The following FAM135A variants were observed in gnomAD, a reference collection of about 807,000 sequenced individuals.
The protein encoded by FAM135A is protein FAM135A.
Under a neutral mutation model 146.8 loss-of-function variants are expected in FAM135A, and 79 were observed. That is an observed-to-expected ratio of 0.54 (90% confidence interval 0.45 to 0.65). The LOEUF is 0.65. Ranked by LOEUF, FAM135A falls within the 30% of genes least tolerant of loss-of-function variation. The probability of loss-of-function intolerance (pLI) is 0.00; values close to 1 mark genes in which losing one functional copy is unlikely to be tolerated. For missense variants in FAM135A, 1,623 were observed against 1,758.2 expected (o/e 0.92, Z 1.38); for synonymous variants, 562 against 603.6 (o/e 0.93, Z 1.01).
At position 70,477,239 on chromosome 6, in the gene FAM135A, A is replaced by G; in HGVS notation, c.449A>G (p.His150Arg). 6.2e-7 allele frequency: 1 copy of G among 1,613,660 alleles called. No individual in the cohort carries two copies. Among genetic ancestry groups the G allele is most frequent in the South Asian group, 1.1e-5 (1 of 91,064 alleles). Residue 150 changes from histidine (H) to arginine (R), a missense_variant, in exon 8 of 22, where the codon CAT becomes CGT. By Grantham distance (29) the His-to-Arg change is conservative. Around this residue, in one of 7 missense-constraint regions of FAM135A, gnomAD observed 16 missense variants for 39.0 expected, o/e 0.41. Coordinates refer to ENST00000418814, the MANE Select transcript of FAM135A (RefSeq NM_001162529.3). ...TTTAGCCCCCATAGAGGCCTTCATC[A>G]TCATGTTAATGTTATGTTTGATTAC... Reference protein sequence around the residue: ...LHFSPHRGLHHHVNVMFDYFH... With the variant: ...LHFSPHRGLHRHVNVMFDYFH...
intron 10 of FAM135A, among the ~76,000 whole-genome samples, chr6:70,487,061 C>T (rs1481658525): frequency 5.6e-5 from 6 of 107,640 alleles, no homozygotes; most frequent in African/African-American, 2.2e-4. Flanking sequence ...CCAGCCTGGG[C>T]AAGAGAGTCG....
chr6:70,524,180 C>T (rs540704810), intron 14 of FAM135A, 59 bp downstream of exon 14: 1 of 1,477,938 alleles, frequency 6.8e-7, no homozygotes, highest in East Asian at 2.3e-5. Context: ...TATATTCTTC[C>T]TAATATACAT....
chr6:70,485,478 A>G (rs1470806882), intron 10 of FAM135A, among the ~76,000 whole-genome samples: 1 of 152,172 alleles, frequency 6.6e-6, no homozygotes, highest in East Asian at 1.9e-4. Context: ...GCAAAATAAA[A>G]TTGTGAACAC....
intron 5 of FAM135A, among the ~76,000 whole-genome samples, chr6:70,464,658 C>CTTTTT (rs754818109): frequency 1.6e-3 from 156 of 100,382 alleles, no homozygotes; most frequent in African/African-American, 3.4e-3. Flanking sequence ...TTCTTTCTTT[C>CTTTTT]TTTTTTTTCT....
chr6:70,517,131 C>T (rs1038206504), intron 12 of FAM135A, among the ~76,000 whole-genome samples: 4 of 152,138 alleles, frequency 2.6e-5, no homozygotes, highest in African/African-American at 7.2e-5. Flanking sequence ...TTTTATATTT[C>T]GCAAGGTTTA....
intron 11 of FAM135A, among the ~76,000 whole-genome samples, chr6:70,494,989 G>A (rs1234908157): frequency 2.6e-5 from 4 of 152,032 alleles, no homozygotes; most frequent in Non-Finnish European, 1.5e-5. Flanking sequence ...CCTCCTTGGG[G>A]ACAATAATAA....
chr6:70,536,638 A>G (rs975543638), intron 19 of FAM135A, among the ~76,000 whole-genome samples: 2 of 152,172 alleles, frequency 1.3e-5, no homozygotes, highest in Non-Finnish European at 2.9e-5. Flanking sequence ...AAAATTCACA[A>G]GAGCATTTTT....
At chr6:70,553,339 A>G (rs73489067) in intron 20 of FAM135A, among the ~76,000 whole-genome samples, 6,513 of 152,262 alleles carry the variant, frequency 0.043, 296 homozygotes, top group African/African-American at 0.1. Context: ...GTATTCTCAG[A>G]GATACAGCAT....
At chr6:70,450,985 C>T (rs768412316) in intron 4 of FAM135A, among the ~76,000 whole-genome samples, 14 of 151,800 alleles carry the variant, frequency 9.2e-5, no homozygotes, top group Non-Finnish European at 1.8e-4. Flanking sequence ...TCAAGTGATC[C>T]TCCTGCCTTG....
At chr6:70,446,583 G>A (rs568591429) in intron 4 of FAM135A, among the ~76,000 whole-genome samples, 1 of 152,214 alleles carries the variant, frequency 6.6e-6, no homozygotes, top group Non-Finnish European at 1.5e-5. Context: ...GATTTTTGAG[G>A]GTGGAATGCC....
At chr6:70,481,936 C>T (rs947839717) in intron 9 of FAM135A, 65 bp from the exon 10 acceptor site, 1 of 1,439,922 alleles carries the variant, frequency 6.9e-7, no homozygotes, top group Non-Finnish European at 9.2e-7. Flanking sequence ...CTTTATTTTT[C>T]CAAGTTTCAC....
intron 8 of FAM135A, among the ~76,000 whole-genome samples, chr6:70,477,842 C>T (rs1782919652): frequency 6.6e-6 from 1 of 151,980 alleles, no homozygotes; most frequent in Admixed American, 6.6e-5. Flanking sequence ...TAATAAAATT[C>T]AAGAGTATGG....
intron 20 of FAM135A, among the ~76,000 whole-genome samples, chr6:70,546,061 C>CG (rs1021116831): frequency 4.7e-5 from 7 of 150,194 alleles, no homozygotes; most frequent in African/African-American, 9.8e-5. Flanking sequence ...GTTTTTTTTT[C>CG]GGGGGGGCAT....
intron 20 of FAM135A, among the ~76,000 whole-genome samples, chr6:70,539,522 C>T (rs1797449023): frequency 2.0e-5 from 3 of 152,146 alleles, no homozygotes; most frequent in South Asian, 4.1e-4. Context: ...CTCAGTTCGT[C>T]GTTTACTAAG....
At chr6:70,440,580 C>T (rs1774231099) in intron 4 of FAM135A, among the ~76,000 whole-genome samples, 1 of 152,144 alleles carries the variant, frequency 6.6e-6, no homozygotes, top group Non-Finnish European at 1.5e-5. Flanking sequence ...CCCAGCTACT[C>T]AGGAGTCTGA....
chr6:70,528,645 G>C (rs568737593), intron 16 of FAM135A, among the ~76,000 whole-genome samples, 193 bp downstream of exon 16: 1 of 151,520 alleles, frequency 6.6e-6, no homozygotes, highest in Non-Finnish European at 1.5e-5. Context: ...AGATTCCTTC[G>C]TAAGTAAATT....
At chr6:70,418,767 A>T (rs930891551) in intron 2 of FAM135A, among the ~76,000 whole-genome samples, 3 of 152,218 alleles carry the variant, frequency 2.0e-5, no homozygotes, top group African/African-American at 7.2e-5. Flanking sequence ...TACGACTATA[A>T]CTCAGATAGT....
chr6:70,491,700 GA>G (rs1786014435), intron 11 of FAM135A, among the ~76,000 whole-genome samples: 1 of 151,864 alleles, frequency 6.6e-6, no homozygotes, highest in Admixed American at 6.6e-5. Flanking sequence ...ATTCTCCTTA[GA>G]AAATTATACA....
At position 70,482,135 on chromosome 6, in the gene FAM135A, T is replaced by G. The variant is rs144846534; in HGVS notation, c.804T>G (p.Ser268=). Reference sequence around the variant, plus strand: ...TTACAGTAACAGAAGAGATTCCTTCTTGTCAGAAACTAGAACTGGGTATGT... The same window carrying G: ...TTACAGTAACAGAAGAGATTCCTTCGTGTCAGAAACTAGAACTGGGTATGT... The part of the protein sequence containing the change: ...YFITVTEEIP[S]CQKLELEEMD... The change falls in exon 10 of 22, where the codon TCT becomes TCG. Residue 268 remains serine (S), a synonymous_variant. Coordinates refer to ENST00000418814, the MANE Select transcript of FAM135A (RefSeq NM_001162529.3). 33 of 1,613,390 alleles carry G rather than the reference T, an allele frequency of 2.0e-5. No individual in the cohort carries two copies. The highest frequency in any genetic ancestry group is 2.7e-5 in the Non-Finnish European group (32 of 1,179,716).
Sources: gnomAD v4.1 joint callset for allele counts (sites outside exome capture counted in the v4.1 genomes callset) on GRCh38, gnomAD v4.1.1 for gene constraint, gnomAD v4.1.1 regional missense constraint, MANE v1.5 for transcripts, NCBI Gene and HGNC (gene_info 2026-07-23, HGNC 2026-07-21) for gene names.